Variants in VAMP7 observed in about 807,000 individuals in gnomAD.
VAMP7 encodes the protein vesicle associated membrane protein 7.
In VAMP7, 14 loss-of-function variants were observed where a neutral mutation model predicts 29.6. The ratio of observed to expected loss-of-function variants is 0.47; its 90% CI spans 0.31 to 0.74. VAMP7 has a LOEUF of 0.74. Ranked by LOEUF, VAMP7 falls within the 30% of genes least tolerant of loss-of-function variation. The pLI is 0.05. For synonymous variants in VAMP7, 95 were observed against 88.1 expected (o/e 1.08, Z -0.44); for missense variants, 223 against 262.4 (o/e 0.85, Z 1.04).
chrX:155,887,937 CA>C lies in VAMP7; in HGVS notation c.-9-1505del, dbSNP rs771113450. 5.8e-3 allele frequency among the ~76,000 whole-genome samples: 567 copies of C among 98,600 alleles called. 1 individual carries two copies. Among genetic ancestry groups the C allele is most frequent in the African/African-American group, 0.012 (270 of 22,842 alleles). The allele number at this position is 98,600 out of a possible 152,430, so 64.7% of individuals were successfully genotyped here. ...TGGGTGACAGAGCAAGACCCTGTCT[CA>C]AAAAAAAAAAAAAAAGAAAAGAAAC... On this transcript the variant is annotated intron_variant, in intron 1 of 7. Transcript: ENST00000286448.
intron 5 of VAMP7, among the ~76,000 whole-genome samples, chrX:155,904,908 A>ATATAT (rs1283248535): frequency 5.1e-5 from 1 of 19,442 alleles, no homozygotes. Flanking sequence ...ATTATATATT[A>ATATAT]TATATATATA....
At chrX:155,882,291 T>C (rs2065811716) in intron 1 of VAMP7, among the ~76,000 whole-genome samples, 1 of 152,074 alleles carries the variant, frequency 6.6e-6, no homozygotes, top group Admixed American at 6.6e-5. Context: ...ACTTAGGAGG[T>C]TGCTACTCTC....
intron 1 of VAMP7, among the ~76,000 whole-genome samples, chrX:155,888,353 C>T (rs1351241666): frequency 6.6e-6 from 1 of 152,154 alleles, no homozygotes; most frequent in African/African-American, 2.4e-5. Context: ...CTCAGGCCTA[C>T]GGAATCAGAA....
chrX:155,914,396 A>G (rs1054187826), intron 5 of VAMP7, among the ~76,000 whole-genome samples: 2 of 152,088 alleles, frequency 1.3e-5, no homozygotes, highest in South Asian at 2.1e-4. Context: ...TTCCAATACT[A>G]TGTTGAATAG....
intron 6 of VAMP7, among the ~76,000 whole-genome samples, chrX:155,921,567 T>G (rs1321897692): frequency 1.3e-5 from 2 of 152,122 alleles, no homozygotes; most frequent in African/African-American, 4.8e-5. Context: ...TCTTTTTTAT[T>G]GTTTTATATT....
At chrX:155,898,325 C>T (rs2066014820) in intron 4 of VAMP7, 76 bp downstream of exon 4, 3 of 1,524,532 alleles carry the variant, frequency 2.0e-6, no homozygotes, top group South Asian at 1.3e-5. Flanking sequence ...ATCTAGGGGG[C>T]CCTGACCTGC....
intron 2 of VAMP7, among the ~76,000 whole-genome samples, chrX:155,890,856 A>G (rs990918754): frequency 5.3e-5 from 8 of 152,118 alleles, no homozygotes; most frequent in Non-Finnish European, 1.2e-4. Context: ...TCTATGGCTA[A>G]CCCCTTATAC....
At chrX:155,931,529 A>G (rs1262914818) in intron 6 of VAMP7, among the ~76,000 whole-genome samples, 1 of 152,180 alleles carries the variant, frequency 6.6e-6, no homozygotes, top group Non-Finnish European at 1.5e-5. Flanking sequence ...GTGTCTGTTC[A>G]TATCCTTCAC....
chrX:155,922,560 G>T (rs895619840), intron 6 of VAMP7, among the ~76,000 whole-genome samples: 2 of 151,972 alleles, frequency 1.3e-5, no homozygotes, highest in Admixed American at 6.6e-5. Flanking sequence ...TTCCTGCAAG[G>T]TCATGACTTA....
chrX:155,941,163 AAAAT>A (rs1204993651), intron 7 of VAMP7, among the ~76,000 whole-genome samples: 2 of 151,428 alleles, frequency 1.3e-5, no homozygotes, highest in Non-Finnish European at 2.9e-5. Flanking sequence ...TAAAAAATAA[AAAAT>A]AAATAAAATA....
intron 6 of VAMP7, among the ~76,000 whole-genome samples, chrX:155,925,174 G>GT (rs1361959502): frequency 1.3e-5 from 2 of 152,004 alleles, no homozygotes; most frequent in African/African-American, 2.4e-5. Flanking sequence ...GTTGTAATCA[G>GT]TTTCTTCCAA....
intron 6 of VAMP7, among the ~76,000 whole-genome samples, chrX:155,921,015 C>T (rs1246267654): frequency 1.3e-5 from 2 of 152,062 alleles, no homozygotes; most frequent in East Asian, 3.9e-4. Context: ...TGCTGGGGAG[C>T]AAAGAAAACA....
At position 155,912,099 on chromosome X, in the gene VAMP7, C is replaced by T. The variant is rs1006398930; in HGVS notation, c.434-7714C>T. The stretch of plus-strand genomic sequence containing the variant: ...GAAAGGCTTTTCGTTTTTCCCATTC[C>T]GTATGATGTTAGCTGTGGGTTTGTC... On this transcript the variant is annotated intron_variant, in intron 5 of 7. Transcript: ENST00000286448. 1.4e-3 allele frequency among the ~76,000 whole-genome samples: 210 copies of T among 152,020 alleles called. 3 individuals are homozygous for T. Among genetic ancestry groups the T allele is most frequent in the African/African-American group, 4.6e-3 (192 of 41,486 alleles).
chrX:155,887,952 AAG>A (rs1232894614), intron 1 of VAMP7, among the ~76,000 whole-genome samples: 1 of 151,686 alleles, frequency 6.6e-6, no homozygotes, highest in Non-Finnish European at 1.5e-5. Flanking sequence ...AAAAAAAAAA[AAG>A]AAAAGAAACA....
intron 6 of VAMP7, among the ~76,000 whole-genome samples, chrX:155,930,764 G>A (rs1419891616): frequency 1.3e-5 from 2 of 151,326 alleles, no homozygotes; most frequent in Non-Finnish European, 2.9e-5. Flanking sequence ...ACAACGTGCA[G>A]GTTTGTTACA....
chrX:155,918,367 C>A lies in VAMP7; in HGVS notation c.434-1446C>A, dbSNP rs750007938. ...GCCACTGGGGTATGAAAAAAAAACT[C>A]CTGCAGCTAGCTCGGTGTCTGCCCA... is the stretch of plus-strand genomic sequence containing the variant. On this transcript the variant is annotated intron_variant, in intron 5 of 7. Coordinates refer to ENST00000286448, the MANE Select transcript of VAMP7 (RefSeq NM_005638.6). 6.5e-3 allele frequency among the ~76,000 whole-genome samples: 984 copies of A among 152,132 alleles called. 3 individuals carry two copies. The highest frequency in any genetic ancestry group is 8.5e-3 in the Non-Finnish European group (575 of 67,976).
intron 5 of VAMP7, among the ~76,000 whole-genome samples, chrX:155,903,198 G>T (rs2066093720): frequency 6.6e-6 from 1 of 152,078 alleles, no homozygotes. Context: ...TTGTATTTCT[G>T]TGGGATCGGT....
chrX:155,926,989 G>A (rs1300369266), intron 6 of VAMP7, among the ~76,000 whole-genome samples: 1 of 152,082 alleles, frequency 6.6e-6, no homozygotes, highest in East Asian at 1.9e-4. Flanking sequence ...ACAGTTTATG[G>A]CACCCGAAAA....
chrX:155,904,705 C>T (rs1228461470), intron 5 of VAMP7, among the ~76,000 whole-genome samples: 7 of 151,880 alleles, frequency 4.6e-5, no homozygotes, highest in Non-Finnish European at 1.0e-4. Flanking sequence ...TTTGTGTCTT[C>T]GTTCACTTAG....
Sources: gnomAD v4.1 joint callset for allele counts (sites outside exome capture counted in the v4.1 genomes callset) on GRCh38, gnomAD v4.1.1 for gene constraint, MANE v1.5 for transcripts, NCBI Gene and HGNC (gene_info 2026-07-23, HGNC 2026-07-21) for gene names.